PWWP2A: variants seen among roughly 807,000 people sequenced by gnomAD.
The protein encoded by PWWP2A is PWWP domain containing 2A.
PWWP2A carries 18 observed loss-of-function variants against 48.5 expected under a neutral mutation model. The observed-to-expected ratio is 0.37, with a 90% confidence interval of 0.26 to 0.55. The LOEUF (loss-of-function observed/expected upper bound fraction) is 0.55. Ranked by LOEUF, PWWP2A falls within the 20% of genes least tolerant of loss-of-function variation. PWWP2A has a pLI of 0.81. For missense variants in PWWP2A, 867 were observed against 976.4 expected, an observed-to-expected ratio of 0.89 and a Z score of 1.49; for synonymous variants, 396 against 387.7, an observed-to-expected ratio of 1.02 and a Z score of -0.25.
At chr5:160,101,295 A>T (rs1158169564) in intron 1 of PWWP2A, among the ~76,000 whole-genome samples, 1 of 152,218 alleles carries the variant, frequency 6.6e-6, no homozygotes, top group Non-Finnish European at 1.5e-5. Context: ...GGTTGCAGTG[A>T]GAAGAGATCA....
Position 160,113,248 on chromosome 5 carries a change from TTATG to T in PWWP2A, c.584+5553_584+5556del, listed in dbSNP as rs1757775553. 9.2e-6 allele frequency: 9 copies of T among 981,514 alleles called. No homozygotes were observed. In the South Asian group the frequency reaches 4.2e-4, roughly 46 times the overall value. 60.8% of individuals were successfully genotyped at this position (981,514 alleles called of 1,614,324 possible). A position where few individuals can be genotyped will look rare whatever the true frequency, so the allele number is the denominator to read the frequency against. ...GTACCACTTTCTTTTCTTTCTTGAG[TTATG>T]TATGTCCAGCTCCTTTTTTTTCACA... On this transcript the variant is annotated intron_variant, in intron 1 of 1. Transcript: ENST00000307063.
intron 2 of PWWP2A, among the ~76,000 whole-genome samples, chr5:160,084,078 G>A (rs532610831): frequency 6.6e-6 from 1 of 152,176 alleles, no homozygotes; most frequent in African/African-American, 2.4e-5. Context: ...CAGAATGATA[G>A]TATCGAAAGC....
downstream of PWWP2A, among the ~76,000 whole-genome samples, chr5:160,088,484 A>G (rs1754818555): frequency 6.6e-6 from 1 of 152,202 alleles, no homozygotes; most frequent in South Asian, 2.1e-4. Flanking sequence ...TCCTGACCTC[A>G]GGTGATCCAC....
intron 1 of PWWP2A, among the ~76,000 whole-genome samples, chr5:160,111,127 A>G (rs1314541811): frequency 1.3e-5 from 2 of 152,034 alleles, no homozygotes; most frequent in East Asian, 3.9e-4. Context: ...AGGAGGTTGC[A>G]ACCAGCCTGG....
chr5:160,112,830 A>C (rs1208696613), intron 1 of PWWP2A, among the ~76,000 whole-genome samples: 3 of 152,228 alleles, frequency 2.0e-5, no homozygotes, highest in Non-Finnish European at 4.4e-5. Flanking sequence ...CCAAAGGCAC[A>C]GTGCTAATAG....
At chr5:160,074,706 A>G (rs912307727), downstream of PWWP2A, among the ~76,000 whole-genome samples, 2 of 151,786 alleles carry the variant, frequency 1.3e-5, no homozygotes, top group Non-Finnish European at 2.9e-5. Flanking sequence ...AGATCGTGCC[A>G]TTGCACTCCA....
the PWWP2A span, among the ~76,000 whole-genome samples, chr5:160,049,971 C>T: frequency 6.6e-6 from 1 of 151,950 alleles, no homozygotes; most frequent in Non-Finnish European, 1.5e-5. Flanking sequence ...CCTAGCTACT[C>T]GGGAGGCAGG....
chr5:160,106,525 C>T (rs897565734), intron 1 of PWWP2A, among the ~76,000 whole-genome samples: 2 of 151,700 alleles, frequency 1.3e-5, no homozygotes, highest in Non-Finnish European at 2.9e-5. Context: ...AAATTTAAAA[C>T]CTCACACATT....
At chr5:160,071,962 C>G (rs895690252), downstream of PWWP2A, among the ~76,000 whole-genome samples, 1 of 152,190 alleles carries the variant, frequency 6.6e-6, no homozygotes, top group Non-Finnish European at 1.5e-5. Context: ...TTGATACATA[C>G]CCATACAATC....
At chr5:160,095,047 C>CAAAAAAAAAAAAAAAAAAAA (rs70987998) in intron 1 of PWWP2A, among the ~76,000 whole-genome samples, 2 of 30,874 alleles carry the variant, frequency 6.5e-5, no homozygotes, top group Non-Finnish European at 1.1e-4. Context: ...GACTCTGTCT[C>CAAAAAAAAAAAAAAAAAAAA]AAAAAAAAAA....
chr5:160,083,293 T>G (rs894083421), intron 2 of PWWP2A, among the ~76,000 whole-genome samples: 1 of 152,140 alleles, frequency 6.6e-6, no homozygotes, highest in African/African-American at 2.4e-5. Context: ...GATGACAGAT[T>G]TGTGATTAAC....
intron 1 of PWWP2A, chr5:160,108,696 T>C (rs906985290): frequency 1.0e-5 from 7 of 692,274 alleles, no homozygotes; most frequent in African/African-American, 7.4e-5. Flanking sequence ...TTCAAGAACT[T>C]AGTGAAAACT....
chr5:160,048,509 A>G, the PWWP2A span, among the ~76,000 whole-genome samples: 1 of 152,212 alleles, frequency 6.6e-6, no homozygotes, highest in Non-Finnish European at 1.5e-5. Context: ...GAAGAAATGC[A>G]GTATGTTGAA....
chr5:160,070,604 A>ACAT, intron 2 of PWWP2A, among the ~76,000 whole-genome samples: 1 of 152,328 alleles, frequency 6.6e-6, no homozygotes, highest in East Asian at 1.9e-4. Context: ...TGCAAAACAC[A>ACAT]CATCATCTCA....
intron 2 of PWWP2A, among the ~76,000 whole-genome samples, chr5:160,085,217 C>G (rs1019270203): frequency 9.9e-5 from 15 of 151,870 alleles, no homozygotes; most frequent in Non-Finnish European, 2.1e-4. Context: ...TTAGTACAGA[C>G]AGGGTAATCC....
chr5:160,092,695 G>C lies in PWWP2A; in HGVS notation c.1955C>G (p.Thr652Ser). Residue 652 changes from threonine to serine, a missense_variant, in exon 2 of 2, where the codon ACC (threonine) becomes AGC (serine). By Grantham distance (58) the Thr-to-Ser change is moderately conservative. Around this residue, in one of 4 missense-constraint regions of PWWP2A, gnomAD observed 97 missense variants for 151.7 expected, o/e 0.64. Transcript: ENST00000307063. Reference sequence around the variant, plus strand: ...CCAAACAATGTCCCCTACACATATGGTCCTGCCATCTGGTGTGACGCATTT... The same window carrying C: ...CCAAACAATGTCCCCTACACATATGCTCCTGCCATCTGGTGTGACGCATTT... ...VSKCVTPDGR[T>S]ICVGDIVWAK... is the part of the protein sequence containing the mutation. The C allele has an allele frequency of 6.4e-7, 1 of 1,551,654 alleles. No homozygotes were observed. The highest frequency in any genetic ancestry group is 8.7e-7 in the Non-Finnish European group (1 of 1,146,992).
At chr5:160,106,077 C>T (rs1441903857) in intron 1 of PWWP2A, among the ~76,000 whole-genome samples, 1 of 152,162 alleles carries the variant, frequency 6.6e-6, no homozygotes, top group Non-Finnish European at 1.5e-5. Context: ...TTTATGTTTA[C>T]AGCAAATAGC....
intron 2 of PWWP2A, among the ~76,000 whole-genome samples, chr5:160,067,398 C>G (rs192910269): frequency 6.6e-6 from 1 of 152,172 alleles, no homozygotes; most frequent in African/African-American, 2.4e-5. Flanking sequence ...ACTGTCACAT[C>G]GTGCCTTGAG....
At chr5:160,116,455 T>G (rs964336322) in intron 1 of PWWP2A, among the ~76,000 whole-genome samples, 1 of 151,966 alleles carries the variant, frequency 6.6e-6, no homozygotes, top group African/African-American at 2.4e-5. Flanking sequence ...GACTCCGTCT[T>G]GGAAAAAATA....
Sources: allele counts gnomAD v4.1 joint callset (sites outside exome capture counted in the v4.1 genomes callset), GRCh38; gene constraint gnomAD v4.1.1; regional missense constraint gnomAD v4.1.1; transcripts MANE v1.5; gene names NCBI Gene and HGNC (gene_info 2026-07-23, HGNC 2026-07-21).